Variants in OR3A2 observed in about 807,000 individuals in gnomAD.
OR3A2 encodes olfactory receptor family 3 subfamily A member 2.
For missense variants in OR3A2, 318 were observed against 392.8 expected (o/e 0.81, Z 1.61); for synonymous variants, 126 against 159.3 (o/e 0.79, Z 1.57).
At chr17:3,320,726 C>G (rs894003279) in intron 3 of OR3A2, among the ~76,000 whole-genome samples, 18 of 151,988 alleles carry the variant, frequency 1.2e-4, no homozygotes, top group African/African-American at 3.9e-4. Context: ...CTGTTCTGTT[C>G]CATTGGTCTA....
intron 2 of OR3A2, among the ~76,000 whole-genome samples, chr17:3,365,048 G>C (rs1367990396): frequency 6.6e-6 from 1 of 152,116 alleles, no homozygotes; most frequent in African/African-American, 2.4e-5. Context: ...ATGATGACCA[G>C]AGCAAACCCT....
chr17:3,371,678 G>A lies in OR3A2; in HGVS notation c.-179+12126C>T, dbSNP rs1280787430. 7.1e-5 allele frequency among the ~76,000 whole-genome samples: 10 copies of A among 139,956 alleles called. No individual in the cohort carries two copies. The South Asian group carries it at 1.8e-3, about 25-fold the overall frequency. 91.8% of individuals were successfully genotyped at this position (139,956 alleles called of 152,430 possible). On this transcript the variant is annotated intron_variant, in intron 2 of 4. Transcript: ENST00000573491. ...GCGCCCCTCACCTCCCGGACGGGGC[G>A]GCTGGCCGGGCGGGGGTGCTGACCC... is the stretch of plus-strand genomic sequence containing the variant.
rs531114983 is a variant in OR3A2, at chr17:3,335,200, A to G, written c.-85+833T>C. 3.9e-5 allele frequency among the ~76,000 whole-genome samples: 6 copies of G among 152,306 alleles called. No homozygotes were observed. In the East Asian group the frequency reaches 1.2e-3, roughly 29 times the overall value. ...TCATATGCATTTCTTAGATCTTTACATGGTAAAAATATTAACCTTTTCATA... is the reference window on the plus strand; with the variant it reads ...TCATATGCATTTCTTAGATCTTTACGTGGTAAAAATATTAACCTTTTCATA... On this transcript the variant is annotated intron_variant, in intron 3 of 4. Coordinates refer to the OR3A2 transcript ENST00000573491.
chr17:3,347,587 A>T (rs998658704), intron 2 of OR3A2, among the ~76,000 whole-genome samples: 21 of 152,276 alleles, frequency 1.4e-4, no homozygotes, highest in African/African-American at 4.6e-4. Context: ...TCATTTTTTA[A>T]GGCTGCATAG....
intron 3 of OR3A2, among the ~76,000 whole-genome samples, chr17:3,303,882 A>G (rs1448804575): frequency 6.7e-6 from 1 of 148,946 alleles, no homozygotes; most frequent in African/African-American, 2.4e-5. Flanking sequence ...ATAGAGTGAG[A>G]CTCCATCTCA....
intron 2 of OR3A2, among the ~76,000 whole-genome samples, chr17:3,364,136 A>T (rs1490336459): frequency 2.6e-5 from 4 of 152,264 alleles, no homozygotes; most frequent in Non-Finnish European, 5.9e-5. Context: ...TGTTAGAATC[A>T]GTAATTTTAA....
chr17:3,361,776 G>A (rs1160054404), intron 2 of OR3A2, among the ~76,000 whole-genome samples: 3 of 151,676 alleles, frequency 2.0e-5, no homozygotes, highest in East Asian at 3.9e-4. Context: ...CCAGTTGATC[G>A]AGGTGGATAC....
chr17:3,291,582 A>G (rs537708771), intron 3 of OR3A2: 2 of 1,433,964 alleles, frequency 1.4e-6, no homozygotes, highest in East Asian at 2.3e-5. Context: ...CTGGCTCTAG[A>G]AGACTTTTCC....
chr17:3,288,799 C>T (rs996888391), upstream of OR3A2, among the ~76,000 whole-genome samples: 29 of 152,168 alleles, frequency 1.9e-4, no homozygotes, highest in East Asian at 3.9e-3. Flanking sequence ...ATAGTGAACA[C>T]GTACTTATAC....
At chr17:3,337,048 T>G (rs2049279441) in intron 2 of OR3A2, among the ~76,000 whole-genome samples, 1 of 152,194 alleles carries the variant, frequency 6.6e-6, no homozygotes, top group Non-Finnish European at 1.5e-5. Context: ...TCATACCTCT[T>G]TCTGCTTCCA....
chr17:3,322,621 C>T (rs192907786), intron 3 of OR3A2, among the ~76,000 whole-genome samples: 33 of 152,268 alleles, frequency 2.2e-4, no homozygotes, highest in Middle Eastern at 6.8e-3. Flanking sequence ...GCCTTCATTT[C>T]GTTATGTACC....
chr17:3,286,141 C>G (rs1049686345), upstream of OR3A2, among the ~76,000 whole-genome samples: 4 of 152,144 alleles, frequency 2.6e-5, no homozygotes, highest in Admixed American at 1.3e-4. Flanking sequence ...ATTCAACTCC[C>G]ACTTATGAGT....
chr17:3,343,514 C>T (rs72809738), intron 2 of OR3A2, among the ~76,000 whole-genome samples: 1,927 of 152,286 alleles, frequency 0.013, 18 homozygotes, highest in African/African-American at 0.016. Flanking sequence ...TAATGTGCTG[C>T]GTCTTGCTTT....
chr17:3,308,521 T>C (rs1165260022), intron 3 of OR3A2, among the ~76,000 whole-genome samples: 1 of 152,108 alleles, frequency 6.6e-6, no homozygotes, highest in African/African-American at 2.4e-5. Flanking sequence ...GGTGCTTCAA[T>C]GTGCAGGGTT....
chr17:3,305,649 T>G (rs1394158775), intron 3 of OR3A2, among the ~76,000 whole-genome samples: 2 of 152,228 alleles, frequency 1.3e-5, no homozygotes, highest in East Asian at 3.8e-4. Flanking sequence ...ATGCAAATGG[T>G]AGCATATTAG....
chr17:3,345,587 T>G (rs2049357505), intron 2 of OR3A2, among the ~76,000 whole-genome samples: 3 of 151,814 alleles, frequency 2.0e-5, no homozygotes, highest in South Asian at 2.1e-4. Flanking sequence ...TTCTTGAAAA[T>G]GAAAAACGTG....
chr17:3,354,765 CGAT>C (rs1213238699), intron 2 of OR3A2, among the ~76,000 whole-genome samples: 1 of 151,180 alleles, frequency 6.6e-6, no homozygotes, highest in Non-Finnish European at 1.5e-5. Flanking sequence ...CTTATTTCTG[CGAT>C]GATCTTTATT....
chr17:3,288,741 A>T (rs543073453), upstream of OR3A2, among the ~76,000 whole-genome samples: 2 of 152,338 alleles, frequency 1.3e-5, no homozygotes, highest in Middle Eastern at 6.8e-3. Flanking sequence ...TTTGGCAAAT[A>T]CAAAGGCAGA....
chr17:3,360,743 T>C (rs1416211266), intron 2 of OR3A2, among the ~76,000 whole-genome samples: 4 of 151,814 alleles, frequency 2.6e-5, no homozygotes, highest in Non-Finnish European at 5.9e-5. Flanking sequence ...TGTGGTATTG[T>C]TTCTGAGGGC....
Sources: allele counts gnomAD v4.1 joint callset (sites outside exome capture counted in the v4.1 genomes callset), GRCh38; gene constraint gnomAD v4.1.1; transcripts MANE v1.5; gene names NCBI Gene and HGNC (gene_info 2026-07-23, HGNC 2026-07-21).